LRP1B: variants seen among roughly 807,000 people sequenced by gnomAD.
LRP1B encodes the protein LDL receptor related protein 1B.
Under a neutral mutation model 556.6 loss-of-function variants are expected in LRP1B, and 217 were observed. That is an observed-to-expected ratio of 0.39 (90% CI 0.35 to 0.44). LRP1B has a LOEUF of 0.44. LRP1B is among the 20% of genes least tolerant of loss of function. LRP1B has a pLI of 1.00. For missense variants in LRP1B, 5,053 were observed against 5,620.8 expected, an observed-to-expected ratio of 0.90 and a Z score of 3.23; for synonymous variants, 2,047 against 1,865.8, an observed-to-expected ratio of 1.10 and a Z score of -2.50.
intron 20 of LRP1B, among the ~76,000 whole-genome samples, chr2:140,925,961 G>T (rs1311654641): frequency 6.6e-6 from 1 of 150,510 alleles, no homozygotes; most frequent in Non-Finnish European, 1.5e-5. Context: ...ATTTATTTGT[G>T]TTTCATAAGT....
At chr2:141,142,706 A>G (rs1453124223) in intron 7 of LRP1B, among the ~76,000 whole-genome samples, 1 of 152,144 alleles carries the variant, frequency 6.6e-6, no homozygotes, top group Non-Finnish European at 1.5e-5. Context: ...CATAGCATTT[A>G]GAAGTGAAAA....
intron 21 of LRP1B, among the ~76,000 whole-genome samples, chr2:140,916,850 C>A (rs1157936783): frequency 1.3e-5 from 2 of 152,134 alleles, no homozygotes; most frequent in Admixed American, 1.3e-4. Flanking sequence ...CTTTTATTTT[C>A]TTTTCACCAC....
intron 1 of LRP1B, among the ~76,000 whole-genome samples, chr2:141,887,258 A>T (rs939668006): frequency 6.6e-6 from 1 of 152,092 alleles, no homozygotes; most frequent in South Asian, 2.1e-4. Context: ...GGGCTCCCGA[A>T]GTGCTGGGAT....
At chr2:141,069,548 A>G (rs1264080841) in intron 7 of LRP1B, among the ~76,000 whole-genome samples, 8 of 151,984 alleles carry the variant, frequency 5.3e-5, no homozygotes, top group African/African-American at 1.9e-4. Context: ...ATGATCCATC[A>G]CTACTTCCCC....
intron 32 of LRP1B, among the ~76,000 whole-genome samples, chr2:140,789,818 G>C (rs1456951370): frequency 6.6e-6 from 1 of 151,034 alleles, no homozygotes; most frequent in Non-Finnish European, 1.5e-5. Context: ...TTTTAGTAGA[G>C]ACGGGGTTTC....
intron 7 of LRP1B, among the ~76,000 whole-genome samples, chr2:141,158,939 AATTACTTCTTAT>A: frequency 6.6e-6 from 1 of 152,268 alleles, no homozygotes; most frequent in Middle Eastern, 3.4e-3. Context: ...GTTTATTTTA[AATTACTTCTTAT>A]AGCCAGTTTT....
At chr2:140,727,703 A>T (rs1687643219) in intron 35 of LRP1B, among the ~76,000 whole-genome samples, 1 of 152,188 alleles carries the variant, frequency 6.6e-6, no homozygotes, top group South Asian at 2.1e-4. Flanking sequence ...ATAAACTATG[A>T]TGACAGCCAG....
intron 2 of LRP1B, among the ~76,000 whole-genome samples, chr2:141,600,214 C>T (rs1352270190): frequency 6.6e-6 from 1 of 152,144 alleles, no homozygotes; most frequent in African/African-American, 2.4e-5. Flanking sequence ...AGCGGTCTTA[C>T]TTGTGCCTTG....
intron 7 of LRP1B, among the ~76,000 whole-genome samples, chr2:141,109,611 C>G (rs1490517551): frequency 6.7e-6 from 1 of 150,168 alleles, no homozygotes; most frequent in Non-Finnish European, 1.5e-5. Context: ...TCCTGCAACC[C>G]TGAGATGAGA....
Position 140,510,460 on chromosome 2 carries a change from A to C in LRP1B, c.8270-404T>G, listed in dbSNP as rs145929139. On this transcript the variant is annotated intron_variant, in intron 51 of 90. Coordinates refer to ENST00000389484, the MANE Select transcript of LRP1B (RefSeq NM_018557.3). ...TGCTAAGCACTTAACATATTAACTC[A>C]TTTATTCCTTACAATAAGCCCAACC... Among the ~76,000 whole-genome samples the C allele has an allele frequency of 3.1e-4, 47 of 152,314 alleles. 1 individual carries two copies. The highest frequency in any genetic ancestry group is 6.5e-4 in the Admixed American group (10 of 15,302).
intron 20 of LRP1B, among the ~76,000 whole-genome samples, chr2:140,944,901 C>A (rs1415373303): frequency 1.3e-5 from 2 of 152,008 alleles, no homozygotes; most frequent in Non-Finnish European, 2.9e-5. Context: ...GTACTGGAAT[C>A]CCCAGAGAGA....
At chr2:140,470,384 C>T (rs1280068788) in intron 60 of LRP1B, among the ~76,000 whole-genome samples, 4 of 152,064 alleles carry the variant, frequency 2.6e-5, no homozygotes. Context: ...TGGCTCACGC[C>T]TGTAATCCCA....
intron 11 of LRP1B, among the ~76,000 whole-genome samples, chr2:141,031,312 G>A (rs1230313403): frequency 6.7e-6 from 1 of 150,134 alleles, no homozygotes; most frequent in Non-Finnish European, 1.5e-5. Flanking sequence ...GAGAGAGAGA[G>A]AGGAAATAAA....
At chr2:141,317,578 C>T (rs1046090796) in intron 3 of LRP1B, among the ~76,000 whole-genome samples, 4 of 152,070 alleles carry the variant, frequency 2.6e-5, no homozygotes, top group African/African-American at 7.2e-5. Flanking sequence ...AGGTGGGAGA[C>T]ACAATTTAGT....
intron 1 of LRP1B, among the ~76,000 whole-genome samples, chr2:142,034,948 T>C (rs1703829325): frequency 1.3e-5 from 2 of 151,790 alleles, no homozygotes; most frequent in African/African-American, 4.8e-5. Context: ...TTGGTGGAAT[T>C]AATATGAATA....
chr2:141,390,147 T>C (rs1319631271), intron 3 of LRP1B, among the ~76,000 whole-genome samples: 2 of 151,718 alleles, frequency 1.3e-5, no homozygotes, highest in African/African-American at 4.8e-5. Context: ...TCTAAATAAA[T>C]AAATAAAAAG....
intron 7 of LRP1B, among the ~76,000 whole-genome samples, chr2:141,183,925 C>T (rs1266378255): frequency 6.6e-6 from 1 of 151,982 alleles, no homozygotes; most frequent in African/African-American, 2.4e-5. Flanking sequence ...TAATTATCTC[C>T]TCTTGTTGAA....
chr2:141,253,115 G>A (rs769636741), intron 4 of LRP1B, among the ~76,000 whole-genome samples: 7 of 152,218 alleles, frequency 4.6e-5, no homozygotes, highest in African/African-American at 1.2e-4. Context: ...ATGCAGAATA[G>A]GTATCTAAGC....
intron 35 of LRP1B, among the ~76,000 whole-genome samples, chr2:140,744,703 G>C (rs1015243452): frequency 7.9e-5 from 12 of 152,098 alleles, no homozygotes; most frequent in African/African-American, 2.9e-4. Flanking sequence ...GATCTAAAAT[G>C]CAGCTGCTAT....
Sources: gnomAD v4.1 joint callset for allele counts (sites outside exome capture counted in the v4.1 genomes callset) on GRCh38, gnomAD v4.1.1 for gene constraint, MANE v1.5 for transcripts, NCBI Gene and HGNC (gene_info 2026-07-23, HGNC 2026-07-21) for gene names.